Variants in DAB1 observed in about 807,000 individuals in gnomAD.
DAB1 encodes disabled homolog 1.
DAB1 carries 15 observed loss-of-function variants against 64.6 expected under a neutral mutation model. That is an observed-to-expected ratio of 0.23 (90% CI 0.16 to 0.36). The LOEUF is 0.36. DAB1 is among the 10% of genes least tolerant of loss of function. DAB1 has a pLI of 1.00. For missense variants in DAB1, 596 were observed against 706.7 expected (o/e 0.84, Z 1.78); for synonymous variants, 235 against 251.9 (o/e 0.93, Z 0.64).
At chr1:58,183,965 A>C (rs1656933918) in intron 4 of DAB1, among the ~76,000 whole-genome samples, 1 of 150,784 alleles carries the variant, frequency 6.6e-6, no homozygotes, top group South Asian at 2.1e-4. Context: ...TTTGCCTTAA[A>C]GATTGCTATT....
chr1:58,019,966 CTT>C (rs1646793486), intron 5 of DAB1, among the ~76,000 whole-genome samples: 2 of 152,150 alleles, frequency 1.3e-5, no homozygotes, highest in Admixed American at 6.6e-5. Context: ...AATATGTTCT[CTT>C]TATTTCTTTA....
rs553795329 is a variant in DAB1 at position 56,995,142 on chromosome 1, T to C, written c.*3002A>G. 1 of 152,322 alleles carries C rather than the reference T, an allele frequency of 6.6e-6. No homozygotes were observed. Among genetic ancestry groups the C allele is most frequent in the African/African-American group, 2.4e-5 (1 of 41,566 alleles). 9.4% of individuals were successfully genotyped at this position (152,322 alleles called of 1,614,324 possible). On this transcript the variant is annotated 3_prime_UTR_variant, in exon 15 of 15. Coordinates refer to ENST00000371236, the MANE Select transcript of DAB1 (RefSeq NM_001365792.1). ...GCTATCAAAAAAGTCTTGCGGCATG[T>C]AAAGATTGAAGAGCTATGGAGAATG...
At chr1:58,212,102 A>C (rs928203935) in intron 4 of DAB1, among the ~76,000 whole-genome samples, 1 of 152,254 alleles carries the variant, frequency 6.6e-6, no homozygotes, top group African/African-American at 2.4e-5. Context: ...TGTTACCTCC[A>C]TTGGTGTTTA....
intron 6 of DAB1, among the ~76,000 whole-genome samples, chr1:57,746,981 C>A (rs1420778263): frequency 6.6e-6 from 1 of 152,078 alleles, no homozygotes; most frequent in African/African-American, 2.4e-5. Flanking sequence ...TAACCAACAT[C>A]TCTTATTATA....
At chr1:57,348,354 G>T (rs573594041) in intron 1 of DAB1, among the ~76,000 whole-genome samples, 1 of 152,224 alleles carries the variant, frequency 6.6e-6, no homozygotes, top group East Asian at 1.9e-4. Context: ...AGAGAGGGTG[G>T]TTTTATCAGA....
At chr1:58,306,436 G>C (rs1051170128) in intron 4 of DAB1, among the ~76,000 whole-genome samples, 2 of 152,156 alleles carry the variant, frequency 1.3e-5, no homozygotes, top group African/African-American at 4.8e-5. Context: ...AGGACGCTTT[G>C]AGTTGGTAGA....
chr1:57,460,660 G>A (rs1686751617), intron 7 of DAB1, among the ~76,000 whole-genome samples: 1 of 152,116 alleles, frequency 6.6e-6, no homozygotes, highest in East Asian at 1.9e-4. Flanking sequence ...CAGGGGAGGA[G>A]TAGAGACACT....
At chr1:57,874,737 T>C (rs554791633) in intron 1 of DAB1, among the ~76,000 whole-genome samples, 1 of 152,196 alleles carries the variant, frequency 6.6e-6, no homozygotes, top group African/African-American at 2.4e-5. Context: ...ATGGTCACAT[T>C]TTCCCAGACT....
intron 7 of DAB1, among the ~76,000 whole-genome samples, chr1:57,617,288 C>T (rs764265837): frequency 7.2e-5 from 11 of 152,066 alleles, no homozygotes; most frequent in African/African-American, 9.7e-5. Flanking sequence ...CGCCAGTGTA[C>T]GAGAGGTTAG....
intron 6 of DAB1, among the ~76,000 whole-genome samples, chr1:57,650,547 AT>A (rs1646244567): frequency 6.6e-6 from 1 of 152,250 alleles, no homozygotes; most frequent in African/African-American, 2.4e-5. Flanking sequence ...CAGAAAATAT[AT>A]TTTGTATAAC....
At chr1:58,117,099 G>T (rs553176484) in intron 5 of DAB1, among the ~76,000 whole-genome samples, 66 of 152,274 alleles carry the variant, frequency 4.3e-4, no homozygotes, top group African/African-American at 1.6e-3. Context: ...ATATGTTACA[G>T]TATTGTTTCT....
chr1:58,180,581 C>T (rs1258651560), intron 4 of DAB1, among the ~76,000 whole-genome samples: 3 of 151,994 alleles, frequency 2.0e-5, no homozygotes, highest in Admixed American at 6.6e-5. Flanking sequence ...AGGGATGAGC[C>T]ACTGTGCCTG....
At position 58,252,785 on chromosome 1, in the gene DAB1, G is replaced by C. The variant is rs1046791408; in HGVS notation, n.309+90567C>G. On this transcript the variant is annotated intron_variant and non_coding_transcript_variant, in intron 4 of 20. Transcript: ENST00000485760. ...TGACTTTCTCCTTCTCTAAGCCCAGGTGCTTCAAATGACCCCAACCCTAAT... is the reference window on the plus strand; with the variant it reads ...TGACTTTCTCCTTCTCTAAGCCCAGCTGCTTCAAATGACCCCAACCCTAAT... 3.3e-5 allele frequency among the ~76,000 whole-genome samples: 5 copies of C among 152,144 alleles called. No homozygotes were observed. In the East Asian group the frequency reaches 7.7e-4, roughly 23 times the overall value.
chr1:58,135,027 G>A (rs1234643039), intron 5 of DAB1, among the ~76,000 whole-genome samples: 1 of 152,188 alleles, frequency 6.6e-6, no homozygotes, highest in African/African-American at 2.4e-5. Flanking sequence ...CATGCTGTCA[G>A]AAACCCTATC....
At chr1:58,177,498 A>G (rs1225538518) in intron 4 of DAB1, among the ~76,000 whole-genome samples, 2 of 152,210 alleles carry the variant, frequency 1.3e-5, no homozygotes, top group African/African-American at 2.4e-5. Context: ...TGAGGGAAAA[A>G]GAATCACAAT....
chr1:57,303,158 G>C (rs1419870677), intron 1 of DAB1, among the ~76,000 whole-genome samples: 1 of 152,182 alleles, frequency 6.6e-6, no homozygotes, highest in African/African-American at 2.4e-5. Context: ...TTGAACAGAA[G>C]AGACCAGAGA....
intron 5 of DAB1, among the ~76,000 whole-genome samples, chr1:57,958,938 C>T (rs2100264680): frequency 6.6e-6 from 1 of 152,318 alleles, no homozygotes; most frequent in East Asian, 1.9e-4. Context: ...CAAATAAGAT[C>T]ACATTCTGAG....
chr1:58,506,221 A>G, intron 2 of DAB1: 2 of 860,832 alleles, frequency 2.3e-6, no homozygotes, highest in Non-Finnish European at 4.0e-6. Flanking sequence ...TAAAACCAAA[A>G]TTAGTAAAAC....
chr1:58,231,061 T>C (rs1366622702), intron 4 of DAB1, among the ~76,000 whole-genome samples: 1 of 152,230 alleles, frequency 6.6e-6, no homozygotes, highest in African/African-American at 2.4e-5. Flanking sequence ...ATAAGATTAT[T>C]GTGAGGACTA....
Sources: allele counts gnomAD v4.1 joint callset (sites outside exome capture counted in the v4.1 genomes callset), GRCh38; gene constraint gnomAD v4.1.1; transcripts MANE v1.5; gene names NCBI Gene and HGNC (gene_info 2026-07-23, HGNC 2026-07-21).